Variants in PRKCB observed in about 807,000 individuals in gnomAD.
The protein encoded by PRKCB is protein kinase C beta type.
Under a neutral mutation model 81.5 loss-of-function variants are expected in PRKCB, and 13 were observed. The observed-to-expected ratio is 0.16, with a 90% CI of 0.10 to 0.25. The LOEUF (loss-of-function observed/expected upper bound fraction) is 0.25. Among genes scored for constraint, PRKCB ranks in the 10% least tolerant of loss-of-function variants. The pLI is 1.00. For synonymous variants in PRKCB, 335 were observed against 321.4 expected (o/e 1.04, Z -0.45); for missense variants, 509 against 875.7 (o/e 0.58, Z 5.29).
chr16:24,212,391 A>G (rs1364680696), intron 16 of PRKCB, among the ~76,000 whole-genome samples: 1 of 93,684 alleles, frequency 1.1e-5, no homozygotes, highest in Non-Finnish European at 2.0e-5. Flanking sequence ...CACTCCCCAT[A>G]TTCTGTGCTT....
chr16:23,855,479 T>C (rs974248321), intron 2 of PRKCB, among the ~76,000 whole-genome samples: 10 of 152,076 alleles, frequency 6.6e-5, no homozygotes, highest in Admixed American at 4.6e-4. Flanking sequence ...ACAAAAATCA[T>C]GTGATTGCTT....
At chr16:24,014,087 C>T (rs2141839480) in intron 3 of PRKCB, among the ~76,000 whole-genome samples, 2 of 152,332 alleles carry the variant, frequency 1.3e-5, no homozygotes, top group African/African-American at 4.8e-5. Context: ...GTGCTGAGAG[C>T]TTCTGTGACA....
intron 8 of PRKCB, among the ~76,000 whole-genome samples, chr16:24,121,346 A>C (rs899393983): frequency 6.6e-6 from 1 of 152,194 alleles, no homozygotes; most frequent in Non-Finnish European, 1.5e-5. Flanking sequence ...AGCACTTAGC[A>C]TGTAGCAGGT....
chr16:23,903,529 G>A (rs775511009), intron 2 of PRKCB, among the ~76,000 whole-genome samples: 17 of 152,078 alleles, frequency 1.1e-4, no homozygotes, highest in Non-Finnish European at 2.2e-4. Context: ...TTGGGAATAT[G>A]AGAAAGTAAA....
At chr16:23,836,846 C>T (rs1040169883) in intron 1 of PRKCB, among the ~76,000 whole-genome samples, 8 of 151,362 alleles carry the variant, frequency 5.3e-5, no homozygotes, top group Non-Finnish European at 1.2e-4. Context: ...TCTGTGCCTC[C>T]GGGCAGCGCC....
At chr16:23,848,080 G>C (rs1378017453) in intron 2 of PRKCB, among the ~76,000 whole-genome samples, 4 of 152,160 alleles carry the variant, frequency 2.6e-5, no homozygotes, top group African/African-American at 9.7e-5. Context: ...ATAGTGAGGA[G>C]AGAGAATAGG....
rs62027385 is a variant in PRKCB at position 24,115,287 on chromosome 16, C to A, written c.918+2218C>A. On this transcript the variant is annotated intron_variant, in intron 8 of 16. Coordinates refer to ENST00000643927, the MANE Select transcript of PRKCB (RefSeq NM_002738.7). ...AGGATTTTAGCATTTATCCCAAGAG[C>A]ATTTATCCAAGAGCATTTATCCCAA... 1.1e-4 allele frequency among the ~76,000 whole-genome samples: 16 copies of A among 140,366 alleles called. 2 individuals carry two copies. Among genetic ancestry groups the A allele is most frequent in the African/African-American group, 2.3e-4 (9 of 39,988 alleles). The allele number at this position is 140,366 out of a possible 152,430, so 92.1% of individuals were successfully genotyped here. A position where few individuals can be genotyped will look rare whatever the true frequency, so the allele number is the denominator to read the frequency against.
At chr16:23,983,563 T>G (rs1338987808) in intron 2 of PRKCB, among the ~76,000 whole-genome samples, 1 of 152,194 alleles carries the variant, frequency 6.6e-6, no homozygotes, top group African/African-American at 2.4e-5. Context: ...TTTCTATGAC[T>G]GATGATATTC....
At position 24,035,544 on chromosome 16, in the gene PRKCB, C is replaced by T; in HGVS notation, c.526C>T (p.Leu176Phe). The T allele has an allele frequency of 1.2e-6, 2 of 1,612,596 alleles. No individual in the cohort carries two copies. Among genetic ancestry groups the T allele is most frequent in the South Asian group, 2.2e-5 (2 of 90,978 alleles). Reference sequence around the variant, plus strand: ...CATCGACAGGGACGTCCTCATTGTCCTCGGTAGGTGGCCCTGGGGCTCCAC... The same window carrying T: ...CATCGACAGGGACGTCCTCATTGTCTTCGGTAGGTGGCCCTGGGGCTCCAC... Reference protein sequence around the residue: ...AHIDRDVLIVLVRDAKNLVPM... With the variant: ...AHIDRDVLIVFVRDAKNLVPM... The change falls in exon 5 of 17, where the codon CTC becomes TTC. Residue 176 changes from leucine (L) to phenylalanine (F), a missense_variant. Physicochemically the swap from Leu to Phe is conservative, Grantham distance 22. Around this residue, in one of 6 missense-constraint regions of PRKCB, gnomAD observed 184 missense variants for 362.9 expected, o/e 0.51. Coordinates refer to ENST00000643927, the MANE Select transcript of PRKCB (RefSeq NM_002738.7).
At chr16:24,007,368 CA>C (rs1322517735) in intron 3 of PRKCB, among the ~76,000 whole-genome samples, 2 of 152,168 alleles carry the variant, frequency 1.3e-5, no homozygotes, top group Non-Finnish European at 2.9e-5. Flanking sequence ...TTGCTTTCTG[CA>C]AAATGGAAAG....
At chr16:24,178,027 A>G (rs1200588984) in intron 12 of PRKCB, among the ~76,000 whole-genome samples, 1 of 152,210 alleles carries the variant, frequency 6.6e-6, no homozygotes, top group Non-Finnish European at 1.5e-5. Context: ...ATCATTTCAC[A>G]GAGATTGATT....
chr16:24,069,623 C>G lies in PRKCB; in HGVS notation c.530-23168C>G, dbSNP rs978945536. ...CAGGCATGGTCGTACACCTGTAGTC[C>G]CAGCTACTTGGGAGGCTGAGGTGGG... On this transcript the variant is annotated intron_variant, in intron 5 of 16. Coordinates refer to ENST00000643927, the MANE Select transcript of PRKCB (RefSeq NM_002738.7). 1.1e-4 allele frequency among the ~76,000 whole-genome samples: 17 copies of G among 152,098 alleles called. 1 individual carries two copies. Among genetic ancestry groups the G allele is most frequent in the African/African-American group, 4.1e-4 (17 of 41,408 alleles).
chr16:24,217,888 A>G lies in PRKCB; in HGVS notation c.*3072A>G. The G allele has an allele frequency of 1.0e-6, 1 of 985,406 alleles. No homozygotes were observed. Among genetic ancestry groups the G allele is most frequent in the Non-Finnish European group, 1.2e-6 (1 of 829,918 alleles). The allele number at this position is 985,406 out of a possible 1,614,324, so 61.0% of individuals were successfully genotyped here. A position where few individuals can be genotyped will look rare whatever the true frequency, so the allele number is the denominator to read the frequency against. On this transcript the variant is annotated 3_prime_UTR_variant, in exon 17 of 17. Coordinates refer to ENST00000643927, the MANE Select transcript of PRKCB (RefSeq NM_002738.7). ...CACAGTTCAGTTCATACAGGGGTTC[A>G]AAAGGGACAGTGGCCCATTTGGGAG...
intron 2 of PRKCB, among the ~76,000 whole-genome samples, chr16:23,840,459 TC>T (rs1962245409): frequency 6.6e-6 from 1 of 152,202 alleles, no homozygotes; most frequent in South Asian, 2.1e-4. Flanking sequence ...TAGCACATGC[TC>T]GGTGTCACTT....
chr16:23,963,507 A>G (rs1964451544), intron 2 of PRKCB, among the ~76,000 whole-genome samples: 1 of 152,178 alleles, frequency 6.6e-6, no homozygotes, highest in Non-Finnish European at 1.5e-5. Context: ...TTTGTTTTTG[A>G]AAGTTTGAAA....
chr16:23,926,492 A>C (rs1366727111), intron 2 of PRKCB, among the ~76,000 whole-genome samples: 1 of 151,586 alleles, frequency 6.6e-6, no homozygotes, highest in African/African-American at 2.4e-5. Flanking sequence ...AAAAAAAATA[A>C]ATAATAAATA....
chr16:24,062,486 G>A (rs556344701), intron 5 of PRKCB, among the ~76,000 whole-genome samples: 3 of 152,350 alleles, frequency 2.0e-5, no homozygotes, highest in South Asian at 4.1e-4. Flanking sequence ...ATGGAGAAAC[G>A]AATTGTTGTT....
intron 9 of PRKCB, among the ~76,000 whole-genome samples, chr16:24,128,984 C>A (rs1966849148): frequency 6.6e-6 from 1 of 152,150 alleles, no homozygotes; most frequent in Admixed American, 6.5e-5. Context: ...ATTGATGATA[C>A]AAGCTTACCT....
At chr16:23,933,194 T>G (rs1369381074) in intron 2 of PRKCB, among the ~76,000 whole-genome samples, 1 of 152,196 alleles carries the variant, frequency 6.6e-6, no homozygotes, top group Non-Finnish European at 1.5e-5. Flanking sequence ...TAGGAAAGAC[T>G]CTTTCTTTTC....
Sources: gnomAD v4.1 joint callset for allele counts (sites outside exome capture counted in the v4.1 genomes callset) on GRCh38, gnomAD v4.1.1 for gene constraint, gnomAD v4.1.1 regional missense constraint, MANE v1.5 for transcripts, NCBI Gene and HGNC (gene_info 2026-07-23, HGNC 2026-07-21) for gene names.